CCDC174: variants seen among roughly 807,000 people sequenced by gnomAD.
CCDC174 encodes the protein coiled-coil domain containing 174.
CCDC174 carries 37 observed loss-of-function variants against 57.1 expected under a neutral mutation model. The observed-to-expected ratio is 0.65, with a 90% CI of 0.50 to 0.85. The LOEUF is 0.85. Ranked by LOEUF, CCDC174 falls within the 40% of genes least tolerant of loss-of-function variation. The pLI is 0.00. For missense variants in CCDC174, 540 were observed against 574.3 expected (o/e 0.94, Z 0.61); for synonymous variants, 182 against 190.2 (o/e 0.96, Z 0.35).
chr3:14,660,912 T>A (rs2031110980), intron 4 of CCDC174, among the ~76,000 whole-genome samples: 1 of 151,850 alleles, frequency 6.6e-6, no homozygotes, highest in Admixed American at 6.5e-5. Context: ...TAACTTTCAG[T>A]GTGTGTTTTA....
rs1457806835 is a variant in CCDC174, at chr3:14,672,601, T to C, written c.*1407T>C. ...GTCCTTTTAATGGTCAGCCTAATCATTCTGTCAGCCTAATCGGGTAATTGC... is the reference window on the plus strand; with the variant it reads ...GTCCTTTTAATGGTCAGCCTAATCACTCTGTCAGCCTAATCGGGTAATTGC... On this transcript the variant is annotated 3_prime_UTR_variant, in exon 11 of 11. Coordinates refer to ENST00000383794, the MANE Select transcript of CCDC174 (RefSeq NM_016474.5). The C allele has an allele frequency of 6.6e-6, 1 of 152,222 alleles. No individual in the cohort carries two copies. Among genetic ancestry groups the C allele is most frequent in the East Asian group, 1.9e-4 (1 of 5,200 alleles). 9.4% of individuals were successfully genotyped at this position (152,222 alleles called of 1,614,324 possible).
In CCDC174 at chr3:14,671,321, T is replaced by A; in HGVS notation, c.*127T>A. On this transcript the variant is annotated 3_prime_UTR_variant, in exon 11 of 11. Coordinates refer to ENST00000383794, the MANE Select transcript of CCDC174 (RefSeq NM_016474.5). ...TTCCCTAGGAGGCACAGACTTCGGG[T>A]TGGATTTGTCAGCAAGGAGGAAAGT... The A allele has an allele frequency of 2.9e-6, 3 of 1,020,704 alleles. No individual in the cohort carries two copies. Among genetic ancestry groups the A allele is most frequent in the Non-Finnish European group, 4.2e-6 (3 of 710,486 alleles). 63.2% of individuals were successfully genotyped at this position (1,020,704 alleles called of 1,614,324 possible). A position where few individuals can be genotyped will look rare whatever the true frequency, so the allele number is the denominator to read the frequency against.
rs75104493 is a variant in CCDC174 at position 14,652,280 on chromosome 3, G to A, written c.42+402G>A. 1.4e-3 allele frequency among the ~76,000 whole-genome samples: 219 copies of A among 152,212 alleles called. 3 individuals are homozygous for A. The East Asian group carries it at 0.037, about 26-fold the overall frequency. On this transcript the variant is annotated intron_variant, in intron 1 of 10. Coordinates refer to ENST00000383794, the MANE Select transcript of CCDC174 (RefSeq NM_016474.5). ...CTTCCTGGTTTCTCCTCCATCCAGGGACCCACAAAGTCCTCCCAGAACTTT... is the reference window on the plus strand; with the variant it reads ...CTTCCTGGTTTCTCCTCCATCCAGGAACCCACAAAGTCCTCCCAGAACTTT...
Position 14,661,665 on chromosome 3 carries a change from C to G in CCDC174, c.443C>G (p.Pro148Arg). Residue 148 changes from proline to arginine, a missense_variant, in exon 5 of 11, where the codon CCT (proline) becomes CGT (arginine). Transcript: ENST00000383794. ...AGGGACGACGATGAGGAAAACCTTC[C>G]TGAGGGAGAGATCCCTCCTCCCCAA... Reference protein sequence around the residue: ...GERDDDEENLPEGEIPPPQDP... With the variant: ...GERDDDEENLREGEIPPPQDP... 6.2e-7 allele frequency: 1 copy of G among 1,614,164 alleles called. No homozygotes were observed. Among genetic ancestry groups the G allele is most frequent in the Non-Finnish European group, 8.5e-7 (1 of 1,179,998 alleles).
intron 9 of CCDC174, 104 bp downstream of exon 9, chr3:14,668,285 A>G: frequency 8.6e-7 from 1 of 1,166,330 alleles, no homozygotes; most frequent in Non-Finnish European, 1.2e-6. Context: ...TTAGTTTTAT[A>G]TTTAAGCAAA....
chr3:14,657,680 C>G (rs1304589817), intron 3 of CCDC174, among the ~76,000 whole-genome samples: 1 of 152,224 alleles, frequency 6.6e-6, no homozygotes, highest in Non-Finnish European at 1.5e-5. Context: ...GCACCATTCT[C>G]TATTTTGCTC....
intron 3 of CCDC174, among the ~76,000 whole-genome samples, chr3:14,656,500 T>C (rs563927055): frequency 1.3e-5 from 2 of 152,364 alleles, no homozygotes; most frequent in East Asian, 3.9e-4. Flanking sequence ...TGGTGTGTCC[T>C]TCCCATTGAA....
intron 5 of CCDC174, among the ~76,000 whole-genome samples, chr3:14,662,107 T>C (rs994529579): frequency 6.6e-6 from 1 of 152,156 alleles, no homozygotes; most frequent in Non-Finnish European, 1.5e-5. Context: ...GGTGGAGAGC[T>C]GTCATCTAGG....
chr3:14,666,690 GT>G (rs2031352024), intron 6 of CCDC174, 114 bp from the exon 7 acceptor site: 14 of 816,380 alleles, frequency 1.7e-5, no homozygotes, highest in Non-Finnish European at 2.4e-5. Flanking sequence ...AGCCTCTGTA[GT>G]TCCCTGTTTT....
At chr3:14,666,053 AAAAAAAAG>A (rs1448917267) in intron 6 of CCDC174, among the ~76,000 whole-genome samples, 6,335 of 148,976 alleles carry the variant, frequency 0.043, 111 homozygotes, top group East Asian at 0.075. Flanking sequence ...AAAAAAAAAA[AAAAAAAAG>A]AAAGAAAGGG....
chr3:14,658,751 T>C, intron 3 of CCDC174, 120 bp from the exon 4 acceptor site: 2 of 1,077,746 alleles, frequency 1.9e-6, no homozygotes, highest in Middle Eastern at 2.1e-4. Flanking sequence ...GTGCTGGTTG[T>C]GGTTGTCTTG....
At chr3:14,660,837 G>A (rs147712647) in intron 4 of CCDC174, among the ~76,000 whole-genome samples, 175 of 152,318 alleles carry the variant, frequency 1.1e-3, no homozygotes, top group Non-Finnish European at 2.2e-3. Context: ...TGAAACTTTA[G>A]GTATACATTA....
chr3:14,667,314 C>G (rs147377512), intron 7 of CCDC174, 110 bp from the exon 8 acceptor site: 2 of 846,296 alleles, frequency 2.4e-6, no homozygotes, highest in African/African-American at 3.4e-5. Flanking sequence ...CTTTTTAAAA[C>G]TTGTGCCAAA....
chr3:14,659,586 G>T (rs1490642462), intron 4 of CCDC174, among the ~76,000 whole-genome samples: 1 of 152,064 alleles, frequency 6.6e-6, no homozygotes, highest in East Asian at 1.9e-4. Context: ...TTATTTAGGA[G>T]CCTGAGGCTT....
intron 6 of CCDC174, 53 bp from the exon 7 acceptor site, chr3:14,666,752 A>G: frequency 1.4e-6 from 2 of 1,435,174 alleles, no homozygotes; most frequent in Non-Finnish European, 1.9e-6. Flanking sequence ...GTACTTAAAC[A>G]CTGATATCTC....
At chr3:14,658,968 T>C (rs2031043730) in intron 4 of CCDC174, 39 bp downstream of exon 4, 11 of 1,440,602 alleles carry the variant, frequency 7.6e-6, no homozygotes, top group African/African-American at 1.4e-5. Context: ...TTTTCTATAA[T>C]GCATACAGCC....
chr3:14,664,038 C>T (rs1441795676), intron 5 of CCDC174, among the ~76,000 whole-genome samples: 1 of 150,394 alleles, frequency 6.6e-6, no homozygotes, highest in Non-Finnish European at 1.5e-5. Context: ...GTTTTCTTCC[C>T]CCATCCATTT....
At chr3:14,657,625 C>G (rs188378554) in intron 3 of CCDC174, among the ~76,000 whole-genome samples, 5 of 152,208 alleles carry the variant, frequency 3.3e-5, no homozygotes, top group Admixed American at 2.0e-4. Flanking sequence ...AGTTTCATAT[C>G]CTTTCTCACG....
At chr3:14,666,601 C>T (rs568406270) in intron 6 of CCDC174, among the ~76,000 whole-genome samples, 79 of 151,404 alleles carry the variant, frequency 5.2e-4, no homozygotes, top group African/African-American at 1.9e-3. Flanking sequence ...CCAGCCTGGG[C>T]GACAGAGCAA....
Sources: gnomAD v4.1 joint callset for allele counts (sites outside exome capture counted in the v4.1 genomes callset) on GRCh38, gnomAD v4.1.1 for gene constraint, MANE v1.5 for transcripts, NCBI Gene and HGNC (gene_info 2026-07-23, HGNC 2026-07-21) for gene names.